The following TRIM3 variants were observed in gnomAD, a reference collection of about 807,000 sequenced individuals.
TRIM3 encodes the protein tripartite motif containing 3.
TRIM3 carries 13 observed loss-of-function variants against 66.6 expected under a neutral mutation model. The ratio of observed to expected loss-of-function variants is 0.20; its 90% CI spans 0.13 to 0.31. The LOEUF is 0.31. TRIM3 is among the 10% of genes least tolerant of loss of function. The probability of loss-of-function intolerance (pLI) is 1.00; values close to 1 mark genes in which losing one functional copy is unlikely to be tolerated. For missense variants in TRIM3, 711 were observed against 1,020.4 expected, an observed-to-expected ratio of 0.70 and a Z score of 4.13; for synonymous variants, 406 against 411.7, an observed-to-expected ratio of 0.99 and a Z score of 0.17.
In TRIM3 at chr11:6,458,811, C is replaced by T. The variant is rs1385000429; in HGVS notation, c.132-515G>A. Among the ~76,000 whole-genome samples, 5 of 151,556 alleles carry T rather than the reference C, an allele frequency of 3.3e-5. No homozygotes were observed. Among genetic ancestry groups the T allele is most frequent in the African/African-American group, 9.8e-5 (4 of 40,818 alleles). On this transcript the variant is annotated intron_variant, in intron 2 of 11. Coordinates refer to ENST00000345851, the MANE Select transcript of TRIM3 (RefSeq NM_033278.4). This position sits in a 1 kb window ranked among gnomAD's most constrained non-coding sequence, Gnocchi z 6.2. ...GCTAGGCTGCCCAGGCCCAACACCC[C>T]GTTGGTCACCTGTTATACTGTATGA...
rs756705717 is a variant in TRIM3, at chr11:6,457,046, G to A, written c.697-17C>T. The A allele has an allele frequency of 2.5e-6, 4 of 1,576,594 alleles. No individual in the cohort carries two copies. Among genetic ancestry groups the A allele is most frequent in the Middle Eastern group, 1.7e-4 (1 of 5,750 alleles). On this transcript the variant is annotated splice_polypyrimidine_tract_variant and intron_variant, in intron 5 of 11. Coordinates refer to ENST00000345851, the MANE Select transcript of TRIM3 (RefSeq NM_033278.4). This position sits in a 1 kb window ranked among gnomAD's most constrained non-coding sequence, Gnocchi z 4.5. ...TTGCAACACCTGATGAGGGGTAGGGGAGGAGTGGGTGAGCAGACTGGCACA... is the reference window on the plus strand; with the variant it reads ...TTGCAACACCTGATGAGGGGTAGGGAAGGAGTGGGTGAGCAGACTGGCACA...
Position 6,456,097 on chromosome 11 carries a change from G to C in TRIM3, c.1508C>G (p.Ala503Gly), listed in dbSNP as rs1244350156. ...SAASSGRIVV[A>G]DSNNQCIQVF... ...CTGAATACACTGGTTGTTGCTGTCT[G>C]CTACCACGATGCGGCCGCTGCTGGC... Residue 503 changes from alanine (A) to glycine (G), a missense_variant, in exon 7 of 12, where the codon GCA becomes GGA. Transcript: ENST00000345851. This position sits in a 1 kb window ranked among gnomAD's most constrained non-coding sequence, Gnocchi z 6.4. The C allele has an allele frequency of 6.2e-7, 1 of 1,614,084 alleles. No homozygotes were observed. The highest frequency in any genetic ancestry group is 2.2e-5 in the East Asian group (1 of 44,894).
In TRIM3 at chr11:6,457,091, C is replaced by A; in HGVS notation, c.697-62G>T. On this transcript the variant is annotated intron_variant, in intron 5 of 11. Coordinates refer to ENST00000345851, the MANE Select transcript of TRIM3 (RefSeq NM_033278.4). This position sits in a 1 kb window ranked among gnomAD's most constrained non-coding sequence, Gnocchi z 4.5. ...GGCACAGGGGGAGTCTCTGTGATTA[C>A]TGAAGTTGTAGCACTGTGGCATAAA... 1 of 1,546,190 alleles carries A rather than the reference C, an allele frequency of 6.5e-7. No homozygotes were observed. Among genetic ancestry groups the A allele is most frequent in the Non-Finnish European group, 8.7e-7 (1 of 1,147,912 alleles).
rs761883704 is a variant in TRIM3 at position 6,451,264 on chromosome 11, C to T, written c.1701+7G>A. ...CAGGGTAAGTAAAGTGACAGCAGGC[C>T]TCTCACCTTGAACTTGCCCTCAGGG... On this transcript the variant is annotated splice_region_variant and intron_variant, in intron 8 of 11. Transcript: ENST00000345851. 3.1e-6 allele frequency: 5 copies of T among 1,614,036 alleles called. No homozygotes were observed. In the Admixed American group the frequency reaches 5.0e-5, roughly 16 times the overall value.
chr11:6,462,799 G>A lies in TRIM3; in HGVS notation c.131+2766C>T, dbSNP rs139185130. 1.3e-3 allele frequency among the ~76,000 whole-genome samples: 204 copies of A among 152,038 alleles called. No homozygotes were observed. The East Asian group carries it at 0.037, about 27-fold the overall frequency. ...TACCTGGGTGTGGTAGCCTGCACCT[G>A]TAATCCCAGCTACTCAGGAGGCTGA... On this transcript the variant is annotated intron_variant, in intron 2 of 11. Coordinates refer to ENST00000345851, the MANE Select transcript of TRIM3 (RefSeq NM_033278.4).
rs1850103873 is a variant in TRIM3 at position 6,458,891 on chromosome 11, GAGA to G, written c.132-598_132-596del. Among the ~76,000 whole-genome samples the G allele has an allele frequency of 3.9e-5, 6 of 152,190 alleles. 1 individual carries two copies. Among genetic ancestry groups the G allele is most frequent in the Admixed American group, 3.9e-4 (6 of 15,276 alleles). The stretch of plus-strand genomic sequence containing the variant: ...CCAAGGACTCTTCCTTTGTAAGATG[GAGA>G]AGTACAGACTTCACAGAGTGTTAGA... On this transcript the variant is annotated intron_variant, in intron 2 of 11. Transcript: ENST00000345851. This position sits in a 1 kb window ranked among gnomAD's most constrained non-coding sequence, Gnocchi z 6.2.
chr11:6,456,180 G>T lies in TRIM3; in HGVS notation c.1430-5C>A. The stretch of plus-strand genomic sequence containing the variant: ...CTTTCTCCCTTCCACGACTGCCTGT[G>T]GGAAGGGACAGGAGGGAAAACAAAA... On this transcript the variant is annotated splice_region_variant and splice_polypyrimidine_tract_variant and intron_variant, in intron 6 of 11. Transcript: ENST00000345851. The surrounding 1 kb of genome is among the most constrained non-coding windows in gnomAD (Gnocchi z 6.4). 1 of 1,613,848 alleles carries T rather than the reference G, an allele frequency of 6.2e-7. No individual in the cohort carries two copies. The highest frequency in any genetic ancestry group is 8.5e-7 in the Non-Finnish European group (1 of 1,179,834).
rs552580251 is a variant in TRIM3, at chr11:6,457,215, G to A, written c.696+81C>T. On this transcript the variant is annotated intron_variant, in intron 5 of 11. Coordinates refer to ENST00000345851, the MANE Select transcript of TRIM3 (RefSeq NM_033278.4). This position sits in a 1 kb window ranked among gnomAD's most constrained non-coding sequence, Gnocchi z 4.5. ...TATCTAGGCTGGGGAATGGGGAGCT[G>A]GTGTGGAAGACAGAGGAACAATGGA... 71 of 1,557,542 alleles carry A rather than the reference G, an allele frequency of 4.6e-5. No individual in the cohort carries two copies. In the South Asian group the frequency reaches 7.0e-4, roughly 15 times the overall value.
intron 7 of TRIM3, chr11:6,452,217 A>G (rs924902019): frequency 6.6e-6 from 1 of 152,276 alleles, no homozygotes; most frequent in Non-Finnish European, 1.5e-5. Flanking sequence ...ACACAGAGTG[A>G]ACCTTTCAAC....
At position 6,450,706 on chromosome 11, in the gene TRIM3, G is replaced by C; in HGVS notation, c.1871-85C>G. The C allele has an allele frequency of 6.8e-7, 1 of 1,463,648 alleles. No individual in the cohort carries two copies. The highest frequency in any genetic ancestry group is 1.7e-5 in the Admixed American group (1 of 59,266). 90.7% of individuals were successfully genotyped at this position (1,463,648 alleles called of 1,614,324 possible). On this transcript the variant is annotated intron_variant, in intron 9 of 11. Transcript: ENST00000345851. The surrounding 1 kb of genome is among the most constrained non-coding windows in gnomAD (Gnocchi z 4.8). ...AGTATCTGGGAAGATAAAAGCTAGG[G>C]TGTTAGGAGAGGGGTGGGGTCTCCA...
At position 6,448,820 on chromosome 11, in the gene TRIM3, A is replaced by G. The variant is rs750892904; in HGVS notation, c.*208T>C. ...GCTCTGCACACATCCTTGGGACCAC[A>G]GTCCAGGCTCACCCAGTCACCAAAG... On this transcript the variant is annotated 3_prime_UTR_variant, in exon 12 of 12. Coordinates refer to ENST00000345851, the MANE Select transcript of TRIM3 (RefSeq NM_033278.4). 2 of 635,342 alleles carry G rather than the reference A, an allele frequency of 3.1e-6. No individual in the cohort carries two copies. The highest frequency in any genetic ancestry group is 3.0e-4 in the Middle Eastern group (1 of 3,340). The allele number at this position is 635,342 out of a possible 1,614,324, so 39.4% of individuals were successfully genotyped here.
intron 2 of TRIM3, among the ~76,000 whole-genome samples, chr11:6,459,423 A>C (rs751005352): frequency 3.9e-5 from 6 of 152,232 alleles, no homozygotes; most frequent in Non-Finnish European, 8.8e-5. Flanking sequence ...ATGAGACAGC[A>C]GATGGGGTTG....
At chr11:6,453,226 A>G (rs1454899051) in intron 7 of TRIM3, 1 of 152,190 alleles carries the variant, frequency 6.6e-6, no homozygotes, top group Non-Finnish European at 1.5e-5. Flanking sequence ...TCTCCACTTG[A>G]ATGCCGCATA....
At chr11:6,464,860 G>A (rs1257401245) in intron 2 of TRIM3, among the ~76,000 whole-genome samples, 2 of 151,994 alleles carry the variant, frequency 1.3e-5, no homozygotes, top group African/African-American at 4.8e-5. Flanking sequence ...GGCGGCGTGC[G>A]CCTGTAGTCC....
chr11:6,468,153 A>G (rs1019497275), intron 1 of TRIM3, among the ~76,000 whole-genome samples: 2 of 152,368 alleles, frequency 1.3e-5, no homozygotes, highest in African/African-American at 2.4e-5. Context: ...GAGAAATCCA[A>G]AGGACATCAA....
chr11:6,464,650 A>C (rs1850370744), intron 2 of TRIM3, among the ~76,000 whole-genome samples: 1 of 152,194 alleles, frequency 6.6e-6, no homozygotes. Flanking sequence ...TTGTGTAACA[A>C]TGTATCACAT....
intron 2 of TRIM3, among the ~76,000 whole-genome samples, chr11:6,459,426 T>C (rs1357872419): frequency 6.6e-6 from 1 of 152,110 alleles, no homozygotes; most frequent in Non-Finnish European, 1.5e-5. Flanking sequence ...AGACAGCAGA[T>C]GGGGTTGGGG....
intron 1 of TRIM3, among the ~76,000 whole-genome samples, chr11:6,467,930 T>C (rs1850531351): frequency 6.6e-6 from 1 of 152,148 alleles, no homozygotes; most frequent in African/African-American, 2.4e-5. Context: ...ACCAAAGTTC[T>C]TTGGGTAAGA....
intron 7 of TRIM3, 83 bp downstream of exon 7, chr11:6,455,989 G>A: frequency 3.7e-6 from 5 of 1,343,662 alleles, no homozygotes; most frequent in Middle Eastern, 2.0e-4. Context: ...TCCAGGAGGT[G>A]ACCTGTACAT....
Sources: gnomAD v4.1 joint callset for allele counts (sites outside exome capture counted in the v4.1 genomes callset) on GRCh38, gnomAD v4.1.1 for gene constraint, Gnocchi (gnomAD v3.1) non-coding constraint, MANE v1.5 for transcripts, NCBI Gene and HGNC (gene_info 2026-07-23, HGNC 2026-07-21) for gene names.